Variants in SHANK1 observed in about 807,000 individuals in gnomAD.
The protein encoded by SHANK1 is SH3 and multiple ankyrin repeat domains 1.
In SHANK1, 35 loss-of-function variants were observed where a neutral mutation model predicts 165.6. The observed-to-expected ratio is 0.21, with a 90% confidence interval of 0.16 to 0.28. The LOEUF (loss-of-function observed/expected upper bound fraction) is 0.28, where lower values mean the gene tolerates loss of function less well. Ranked by LOEUF, SHANK1 falls within the 10% of genes least tolerant of loss-of-function variation. The pLI is 1.00. For missense variants in SHANK1, 2,681 were observed against 3,036.4 expected (o/e 0.88, Z 2.75); for synonymous variants, 1,428 against 1,384.8 (o/e 1.03, Z -0.69).
rs1201502389 is a variant in SHANK1 at position 50,660,043 on chromosome 19, C to G, written c.*1922G>C. On this transcript the variant is annotated 3_prime_UTR_variant, in exon 24 of 24. Coordinates refer to ENST00000293441, the MANE Select transcript of SHANK1 (RefSeq NM_016148.5). ...CCTCATGGACGGAGCGCCCCCCCCT[C>G]TCGGGGGTAGGGGGCAGCAGAGGGG... Among the ~76,000 whole-genome samples, 1 of 150,380 alleles carries G rather than the reference C, an allele frequency of 6.6e-6. No individual in the cohort carries two copies. Among genetic ancestry groups the G allele is most frequent in the Non-Finnish European group, 1.5e-5 (1 of 67,394 alleles).
At chr19:50,677,993 G>C (rs968299815) in intron 21 of SHANK1, among the ~76,000 whole-genome samples, 3 of 152,152 alleles carry the variant, frequency 2.0e-5, no homozygotes, top group Admixed American at 2.0e-4. Context: ...CCTTGCAAAA[G>C]ATAAAGGCAG....
rs1039649804 is a variant in SHANK1, at chr19:50,665,409, A to C, written c.5768+783T>G. Among the ~76,000 whole-genome samples the C allele has an allele frequency of 1.8e-4, 28 of 151,924 alleles. 1 individual carries two copies. The highest frequency in any genetic ancestry group is 6.5e-4 in the African/African-American group (27 of 41,416). ...GCAAAACCCCTCATCTCTACTAAAAATACAAAAATTTGCCGGGCATGGTGG... is the reference window on the plus strand; with the variant it reads ...GCAAAACCCCTCATCTCTACTAAAACTACAAAAATTTGCCGGGCATGGTGG... On this transcript the variant is annotated intron_variant, in intron 23 of 23. Transcript: ENST00000293441.
intron 23 of SHANK1, among the ~76,000 whole-genome samples, chr19:50,664,106 C>T (rs1985385944): frequency 7.6e-6 from 1 of 132,318 alleles, no homozygotes. Context: ...TGCCCAGCCT[C>T]CTTTTTCTTT....
intron 22 of SHANK1, among the ~76,000 whole-genome samples, chr19:50,669,516 A>G (rs1217318838): frequency 6.6e-6 from 1 of 152,106 alleles, no homozygotes; most frequent in African/African-American, 2.4e-5. Context: ...AGGTGAGGAA[A>G]CTGAAATTCA....
In SHANK1 at chr19:50,688,921, G is replaced by T; in HGVS notation, c.2095C>A (p.Leu699Met). The T allele has an allele frequency of 6.4e-7, 1 of 1,569,240 alleles. No homozygotes were observed. Among genetic ancestry groups the T allele is most frequent in the Non-Finnish European group, 8.6e-7 (1 of 1,156,772 alleles). ...TCGTCCACCGACTCCAGGTACTGCA[G>T]CGCCGGGAAGGCCGGGGTGGGGGTG... is the stretch of plus-strand genomic sequence containing the variant. The part of the protein sequence containing the change: ...EFTPTPAFPA[L>M]QYLESVDEGG... The change falls in exon 17 of 24, where the codon CTG (leucine) becomes ATG (methionine). Residue 699 changes from leucine to methionine, a missense_variant. By Grantham distance (15) the Leu-to-Met change is conservative. Transcript: ENST00000293441. This position sits in a 1 kb window ranked among gnomAD's most constrained non-coding sequence, Gnocchi z 6.7.
Position 50,662,995 on chromosome 19 carries a change from A to G in SHANK1, c.5769-313T>C. ...TTACTGATGCTCACGTGTGCCAGGC[A>G]TTGTTCTAAGTGCTTTACATGATTG... is the stretch of plus-strand genomic sequence containing the variant. On this transcript the variant is annotated intron_variant, in intron 23 of 23. Coordinates refer to ENST00000293441, the MANE Select transcript of SHANK1 (RefSeq NM_016148.5). This position sits in a 1 kb window ranked among gnomAD's most constrained non-coding sequence, Gnocchi z 7.7. 1 of 412,638 alleles carries G rather than the reference A, an allele frequency of 2.4e-6. No individual in the cohort carries two copies. The highest frequency in any genetic ancestry group is 4.4e-6 in the Non-Finnish European group (1 of 225,442). 25.6% of individuals were successfully genotyped at this position (412,638 alleles called of 1,614,324 possible).
chr19:50,662,443 A>C lies in SHANK1; in HGVS notation c.6008T>G (p.Leu2003Arg). The C allele has an allele frequency of 1.3e-6, 2 of 1,554,182 alleles. No individual in the cohort carries two copies. Among genetic ancestry groups the C allele is most frequent in the Non-Finnish European group, 1.7e-6 (2 of 1,150,548 alleles). The change falls in exon 24 of 24, where the codon CTG becomes CGG. Residue 2003 changes from leucine to arginine, a missense_variant. Transcript: ENST00000293441. The surrounding 1 kb of genome is among the most constrained non-coding windows in gnomAD (Gnocchi z 7.7). ...PLLRRAPSPSLLPASEHKVSP... is the reference protein window; with the variant it reads ...PLLRRAPSPSRLPASEHKVSP... Reference sequence around the variant, plus strand: ...GACCTTGTGCTCCGAGGCGGGCAGCAGCGAGGGGCTGGGGGCCCGGCGGAG... The same window carrying C: ...GACCTTGTGCTCCGAGGCGGGCAGCCGCGAGGGGCTGGGGGCCCGGCGGAG...
intron 21 of SHANK1, among the ~76,000 whole-genome samples, chr19:50,678,468 T>TC (rs1404188883): frequency 6.8e-6 from 1 of 147,424 alleles, no homozygotes; most frequent in African/African-American, 2.5e-5. Flanking sequence ...CAGGTGAGGG[T>TC]GAAGGTGATG....
chr19:50,681,863 C>T (rs993558439), intron 21 of SHANK1, among the ~76,000 whole-genome samples: 1 of 152,102 alleles, frequency 6.6e-6, no homozygotes, highest in African/African-American at 2.4e-5. Context: ...CTTTGACCTC[C>T]CTTGCTCGAG....
Position 50,717,008 on chromosome 19 carries a change from T to G in SHANK1, c.-43-46A>C. 1 of 1,349,548 alleles carries G rather than the reference T, an allele frequency of 7.4e-7. No homozygotes were observed. The highest frequency in any genetic ancestry group is 9.5e-7 in the Non-Finnish European group (1 of 1,048,912). 83.6% of individuals were successfully genotyped at this position (1,349,548 alleles called of 1,614,324 possible). A position where few individuals can be genotyped will look rare whatever the true frequency, so the allele number is the denominator to read the frequency against. On this transcript the variant is annotated intron_variant, in intron 1 of 23. Coordinates refer to ENST00000293441, the MANE Select transcript of SHANK1 (RefSeq NM_016148.5). This position sits in a 1 kb window ranked among gnomAD's most constrained non-coding sequence, Gnocchi z 5.5. The stretch of plus-strand genomic sequence containing the variant: ...CATCAGACTAGGAGCCCGGGACCCC[T>G]CAGAGGCCGCAGGCGCTATTCGGTG...
chr19:50,673,777 T>C lies in SHANK1; in HGVS notation c.2578-1663A>G, dbSNP rs114147212. On this transcript the variant is annotated intron_variant, in intron 21 of 23. Coordinates refer to ENST00000293441, the MANE Select transcript of SHANK1 (RefSeq NM_016148.5). ...AAAGAGAAAATTGTACCCTGGATAA[T>C]ATCGGTCTTTGCAGCAACAAAGTCA... 8.8e-3 allele frequency among the ~76,000 whole-genome samples: 1,344 copies of C among 151,888 alleles called. 27 individuals carry two copies. The highest frequency in any genetic ancestry group is 0.031 in the African/African-American group (1,265 of 41,420).
rs1350170579 is a variant in SHANK1, at chr19:50,666,876, G to C, written c.5084C>G (p.Ser1695Cys). The C allele has an allele frequency of 1.9e-6, 3 of 1,581,224 alleles. No individual in the cohort carries two copies. The highest frequency in any genetic ancestry group is 2.6e-6 in the Non-Finnish European group (3 of 1,165,462). Residue 1695 changes from serine to cysteine, a missense_variant, in exon 23 of 24, where the codon TCC (serine) becomes TGC (cysteine). By Grantham distance (112) the Ser-to-Cys change is moderately radical. Around this residue, in one of 10 missense-constraint regions of SHANK1, gnomAD observed 1,713 missense variants for 1,630.2 expected, o/e 1.05. Transcript: ENST00000293441. The part of the protein sequence containing the change: ...DHPLETISSA[S>C]TLSSLSAEGG... ...TTCGGCAGATAGGCTGCTCAGCGTG[G>C]AGGCGCTGCTGATGGTCTCCAGTGG... is the stretch of plus-strand genomic sequence containing the variant.
intron 8 of SHANK1, among the ~76,000 whole-genome samples, chr19:50,708,783 T>TTTCA (rs2088974650): frequency 6.6e-6 from 1 of 152,150 alleles, no homozygotes; most frequent in Non-Finnish European, 1.5e-5. Flanking sequence ...ATTCACTCAT[T>TTTCA]TTCATTCATT....
Position 50,672,061 on chromosome 19 carries a change from G to A in SHANK1, c.2631C>T (p.Phe877=), listed in dbSNP as rs750439421. ...GCATCAACCCAGGTCCTGGAGGCAG[G>A]AAAGAAGGACGCTCGTAACTTGGCT... ...RAQPSYERPS[F]LPPGPGLMLR... is the part of the protein sequence containing the mutation. The change falls in exon 22 of 24, where the codon TTC becomes TTT. Residue 877 remains phenylalanine, a synonymous_variant. Transcript: ENST00000293441. 4 of 1,613,902 alleles carry A rather than the reference G, an allele frequency of 2.5e-6. No individual in the cohort carries two copies. The East Asian group carries it at 8.9e-5, about 36-fold the overall frequency.
At position 50,716,499 on chromosome 19, in the gene SHANK1, G is replaced by C. The variant is rs774430009; in HGVS notation, c.256-21C>G. The C allele has an allele frequency of 1.2e-6, 2 of 1,612,882 alleles. No individual in the cohort carries two copies. Among genetic ancestry groups the C allele is most frequent in the Non-Finnish European group, 1.7e-6 (2 of 1,179,278 alleles). ...CATTTCTGGTTGGGGAAGAGATAGG[G>C]GCTAGGGTGGGCCAGGGGCCAGAGG... On this transcript the variant is annotated intron_variant, in intron 2 of 23. Transcript: ENST00000293441. This position sits in a 1 kb window ranked among gnomAD's most constrained non-coding sequence, Gnocchi z 8.4.
chr19:50,713,966 G>A lies in SHANK1; in HGVS notation c.641-17C>T. On this transcript the variant is annotated splice_polypyrimidine_tract_variant and intron_variant, in intron 5 of 23. Transcript: ENST00000293441. This position sits in a 1 kb window ranked among gnomAD's most constrained non-coding sequence, Gnocchi z 6.2. ...AGGGGGTCTCTGAAGGGCGGGAAAA[G>A]CTGGTCACATGAAGCCCCTTCTCCT... 1 of 1,613,370 alleles carries A rather than the reference G, an allele frequency of 6.2e-7. No individual in the cohort carries two copies.
chr19:50,707,875 G>GC, intron 8 of SHANK1, among the ~76,000 whole-genome samples: 1 of 134,298 alleles, frequency 7.4e-6, no homozygotes, highest in Non-Finnish European at 1.7e-5. Flanking sequence ...ACTTTTGCGT[G>GC]TTTTTCTTTT....
chr19:50,679,363 GGAA>G (rs549193810), intron 21 of SHANK1, among the ~76,000 whole-genome samples: 185 of 151,986 alleles, frequency 1.2e-3, no homozygotes, highest in African/African-American at 3.9e-3. Context: ...AGCACCATGT[GGAA>G]GAAGAAGGGA....
At chr19:50,700,255 C>G (rs569459345) in intron 12 of SHANK1, among the ~76,000 whole-genome samples, 2 of 126,522 alleles carry the variant, frequency 1.6e-5, no homozygotes, top group Non-Finnish European at 3.3e-5. Context: ...TTGGAGGGCT[C>G]GGGGCATTGG....
Sources: allele counts gnomAD v4.1 joint callset (sites outside exome capture counted in the v4.1 genomes callset), GRCh38; gene constraint gnomAD v4.1.1; regional missense constraint gnomAD v4.1.1; non-coding constraint Gnocchi (gnomAD v3.1); transcripts MANE v1.5; gene names NCBI Gene and HGNC (gene_info 2026-07-23, HGNC 2026-07-21).